Variants in GRAP observed in about 807,000 individuals in gnomAD.
GRAP encodes the protein GRB2-related adapter protein.
Under a neutral mutation model 9.1 loss-of-function variants are expected in GRAP, and 2 were observed. The observed-to-expected ratio is 0.22, with a 90% CI of 0.09 to 0.69. GRAP has a LOEUF of 0.69. GRAP is among the 30% of genes least tolerant of loss of function. The pLI, the probability that GRAP is intolerant of heterozygous loss-of-function variation, is 0.81. For missense variants in GRAP, 113 were observed against 179.4 expected (o/e 0.63, Z 2.12); for synonymous variants, 68 against 73.6 (o/e 0.92, Z 0.39).
At chr17:19,027,484 GCACACACACACACA>G (rs776285201) in intron 3 of GRAP, among the ~76,000 whole-genome samples, 5 of 121,114 alleles carry the variant, frequency 4.1e-5, no homozygotes, top group African/African-American at 1.2e-4. Flanking sequence ...GCGCGCGCGC[GCACACACACACACA>G]CACACACACA....
At chr17:19,023,288 G>A (rs555079886) in intron 4 of GRAP, among the ~76,000 whole-genome samples, 1 of 152,304 alleles carries the variant, frequency 6.6e-6, no homozygotes, top group African/African-American at 2.4e-5. Context: ...GGAACACTGA[G>A]GGGATGAACT....
chr17:19,027,482 G>GCACACACACACACACACA (rs1201282703), intron 3 of GRAP, among the ~76,000 whole-genome samples: 102 of 116,042 alleles, frequency 8.8e-4, no homozygotes, highest in Middle Eastern at 4.2e-3. Flanking sequence ...GCGCGCGCGC[G>GCACACACACACACACACA]CGCACACACA....
intron 4 of GRAP, among the ~76,000 whole-genome samples, chr17:19,023,694 G>A (rs2044290992): frequency 7.8e-6 from 1 of 128,008 alleles, no homozygotes; most frequent in Non-Finnish European, 1.5e-5. Context: ...CACTCATGCT[G>A]CCCCACACCC....
rs1272677486 is a variant in GRAP at position 19,024,125 on chromosome 17, C to T, written c.468+90G>A. The stretch of plus-strand genomic sequence containing the variant: ...GCTGCTGGGGAAGTGAGACCAGGCC[C>T]GTGCTTGGCCTCAGTGTCAGCATCT... On this transcript the variant is annotated intron_variant, in intron 4 of 4. Coordinates refer to ENST00000284154, the MANE Select transcript of GRAP (RefSeq NM_006613.4). This position sits in a 1 kb window ranked among gnomAD's most constrained non-coding sequence, Gnocchi z 4.2. 22 of 1,293,892 alleles carry T rather than the reference C, an allele frequency of 1.7e-5. No homozygotes were observed. Among genetic ancestry groups the T allele is most frequent in the African/African-American group, 8.8e-5 (6 of 68,396 alleles). The allele number at this position is 1,293,892 out of a possible 1,614,324, so 80.2% of individuals were successfully genotyped here.
Position 19,024,895 on chromosome 17 carries a change from A to G in GRAP, c.300-512T>C, listed in dbSNP as rs1002991491. Among the ~76,000 whole-genome samples, 4 of 152,200 alleles carry G rather than the reference A, an allele frequency of 2.6e-5. No individual in the cohort carries two copies. The highest frequency in any genetic ancestry group is 4.1e-4 in the South Asian group (2 of 4,824). ...CTCATCCTGACTCAGACCAAAGCCT[A>G]CTGCTATGAGAGGAGCTCAGACCTG... On this transcript the variant is annotated intron_variant, in intron 3 of 4. Coordinates refer to ENST00000284154, the MANE Select transcript of GRAP (RefSeq NM_006613.4). This position sits in a 1 kb window ranked among gnomAD's most constrained non-coding sequence, Gnocchi z 4.2.
In GRAP at chr17:19,020,711, G is replaced by A. The variant is rs779982758; in HGVS notation, c.*1248C>T. On this transcript the variant is annotated 3_prime_UTR_variant, in exon 5 of 5. Transcript: ENST00000284154. ...TCCTGATGTTGGTTTTACTGTTTTC[G>A]TTTTGAATACACAGGCTGGGTCAGG... is the stretch of plus-strand genomic sequence containing the variant. 5.3e-5 allele frequency: 25 copies of A among 470,608 alleles called. No homozygotes were observed. Among genetic ancestry groups the A allele is most frequent in the South Asian group, 2.5e-4 (11 of 43,802 alleles). 29.2% of individuals were successfully genotyped at this position (470,608 alleles called of 1,614,324 possible). A position where few individuals can be genotyped will look rare whatever the true frequency, so the allele number is the denominator to read the frequency against.
intron 1 of GRAP, among the ~76,000 whole-genome samples, 157 bp from the exon 2 acceptor site, chr17:19,042,061 C>T (rs1366704407): frequency 6.6e-6 from 1 of 151,938 alleles, no homozygotes; most frequent in East Asian, 1.9e-4. Flanking sequence ...AGGACTTGCC[C>T]ACGGTCCCAA....
chr17:19,021,828 A>T lies in GRAP; in HGVS notation c.*131T>A. 1 of 924,824 alleles carries T rather than the reference A, an allele frequency of 1.1e-6. No individual in the cohort carries two copies. Among genetic ancestry groups the T allele is most frequent in the Non-Finnish European group, 1.5e-6 (1 of 688,758 alleles). 57.3% of individuals were successfully genotyped at this position (924,824 alleles called of 1,614,324 possible). The stretch of plus-strand genomic sequence containing the variant: ...TTGTGCAGAGCGGCCGGAGGCAGTT[A>T]GGAGCCCACGTTCAGTCCAAGGCCG... On this transcript the variant is annotated 3_prime_UTR_variant, in exon 5 of 5. Transcript: ENST00000284154. The surrounding 1 kb of genome is among the most constrained non-coding windows in gnomAD (Gnocchi z 4.1).
chr17:19,030,001 T>C (rs1402601385), intron 3 of GRAP, among the ~76,000 whole-genome samples: 1 of 67,954 alleles, frequency 1.5e-5, no homozygotes, highest in East Asian at 2.0e-4. Context: ...GATGCTTGTG[T>C]GTGTGTGTCT....
rs1274852231 is a variant in GRAP, at chr17:19,021,837, C to T, written c.*122G>A. The T allele has an allele frequency of 1.7e-5, 17 of 1,026,766 alleles. No homozygotes were observed. The highest frequency in any genetic ancestry group is 2.7e-5 in the South Asian group (1 of 36,550). 63.6% of individuals were successfully genotyped at this position (1,026,766 alleles called of 1,614,324 possible). The stretch of plus-strand genomic sequence containing the variant: ...GCGGCCGGAGGCAGTTAGGAGCCCA[C>T]GTTCAGTCCAAGGCCGTCCACTGAG... On this transcript the variant is annotated 3_prime_UTR_variant, in exon 5 of 5. Coordinates refer to ENST00000284154, the MANE Select transcript of GRAP (RefSeq NM_006613.4). The surrounding 1 kb of genome is among the most constrained non-coding windows in gnomAD (Gnocchi z 4.1).
At chr17:19,022,200 T>C in intron 4 of GRAP, 56 bp from the exon 5 acceptor site, 1 of 990,752 alleles carries the variant, frequency 1.0e-6, no homozygotes, top group Admixed American at 3.7e-5. Flanking sequence ...CAACCCACCC[T>C]CCCTCAGAGG....
At chr17:19,027,484 G>GCACACACACACACACACACACA (rs776285201) in intron 3 of GRAP, among the ~76,000 whole-genome samples, 1 of 121,114 alleles carries the variant, frequency 8.3e-6, no homozygotes, top group Non-Finnish European at 1.7e-5. Context: ...GCGCGCGCGC[G>GCACACACACACACACACACACA]CACACACACA....
chr17:19,023,919 A>C (rs78368288), intron 4 of GRAP, among the ~76,000 whole-genome samples: 8,302 of 151,950 alleles, frequency 0.055, 643 homozygotes, highest in South Asian at 0.33. Context: ...TTGAGCACCT[A>C]CTGTGTGCCA....
chr17:19,023,226 T>C (rs1276983058), intron 4 of GRAP, among the ~76,000 whole-genome samples: 1 of 152,148 alleles, frequency 6.6e-6, no homozygotes, highest in East Asian at 1.9e-4. Flanking sequence ...CTCAAGGCAC[T>C]GTTTGACTCC....
intron 3 of GRAP, chr17:19,031,512 T>TG (rs1597928432): frequency 9.0e-6 from 1 of 110,878 alleles, no homozygotes; most frequent in Non-Finnish European, 1.8e-5. Flanking sequence ...GGGCCGGGGG[T>TG]GGGGGGCAGC....
chr17:19,022,769 G>A (rs766082197), intron 4 of GRAP, among the ~76,000 whole-genome samples: 8 of 152,170 alleles, frequency 5.3e-5, no homozygotes, highest in South Asian at 2.1e-4. Context: ...GCCTGGCACC[G>A]TGACTATTGC....
intron 3 of GRAP, among the ~76,000 whole-genome samples, chr17:19,027,525 C>CACACACACACACACACACA (rs71155385): frequency 1.4e-5 from 2 of 142,674 alleles, no homozygotes; most frequent in African/African-American, 2.6e-5. Context: ...CACACACACA[C>CACACACACACACACACACA]CCCTACCTCT....
intron 4 of GRAP, among the ~76,000 whole-genome samples, chr17:19,023,689 A>C (rs1567819744): frequency 8.4e-6 from 1 of 118,902 alleles, no homozygotes; most frequent in Non-Finnish European, 1.6e-5. Context: ...ACCAGCACTC[A>C]TGCTGCCCCA....
At chr17:19,023,969 T>A (rs2044293160) in intron 4 of GRAP, among the ~76,000 whole-genome samples, 1 of 152,086 alleles carries the variant, frequency 6.6e-6, no homozygotes, top group South Asian at 2.1e-4. Context: ...AGACAGTTTG[T>A]CCCCATGGGA....
Sources: allele counts gnomAD v4.1 joint callset (sites outside exome capture counted in the v4.1 genomes callset), GRCh38; gene constraint gnomAD v4.1.1; non-coding constraint Gnocchi (gnomAD v3.1); transcripts MANE v1.5; gene names NCBI Gene and HGNC (gene_info 2026-07-23, HGNC 2026-07-21).